TTC27: variants seen among roughly 807,000 people sequenced by gnomAD.
TTC27 encodes the protein tetratricopeptide repeat domain 27, also known as tetratricopeptide repeat protein 27.
A neutral mutation model predicts 115.9 loss-of-function variants in TTC27; 79 were observed. That is an observed-to-expected ratio of 0.68 (90% CI 0.57 to 0.82). The LOEUF (loss-of-function observed/expected upper bound fraction) is 0.82. TTC27 is among the 40% of genes least tolerant of loss of function. TTC27 has a pLI of 0.00. For missense variants in TTC27, 1,054 were observed against 993.1 expected, an observed-to-expected ratio of 1.06 and a Z score of -0.82; for synonymous variants, 401 against 356.0, an observed-to-expected ratio of 1.13 and a Z score of -1.42.
chr2:32,677,451 T>C (rs373348915), intron 8 of TTC27, among the ~76,000 whole-genome samples: 9 of 151,876 alleles, frequency 5.9e-5, no homozygotes, highest in East Asian at 3.9e-4. Flanking sequence ...TGCCAAACTG[T>C]TTTCTTCTTT....
chr2:32,728,996 TACACAC>T (rs35764233), intron 10 of TTC27, among the ~76,000 whole-genome samples: 26 of 150,616 alleles, frequency 1.7e-4, no homozygotes, highest in Non-Finnish European at 2.2e-4. Flanking sequence ...CATCTTCCTA[TACACAC>T]ACACACACAC....
At position 32,628,126 on chromosome 2, in the gene TTC27, TC is replaced by T; in HGVS notation, c.-165del. ...GCCCCGCGCTGCTGTTATGGCCGCC[TC>T]CTTGAGGTAGTATCCGCACATGGAA... On this transcript the variant is annotated 5_prime_UTR_variant, in exon 1 of 20. The change creates a premature stop within an existing upstream ORF in the 5' untranslated region. Coordinates refer to ENST00000317907, the MANE Select transcript of TTC27 (RefSeq NM_017735.5). 1 of 626,726 alleles carries T rather than the reference TC, an allele frequency of 1.6e-6. No homozygotes were observed. The highest frequency in any genetic ancestry group is 3.1e-5 in the East Asian group (1 of 32,188). The allele number at this position is 626,726 out of a possible 1,614,324, so 38.8% of individuals were successfully genotyped here. A position where few individuals can be genotyped will look rare whatever the true frequency, so the allele number is the denominator to read the frequency against.
chr2:32,776,096 C>A (rs1212678592), intron 13 of TTC27, among the ~76,000 whole-genome samples: 1 of 152,270 alleles, frequency 6.6e-6, no homozygotes, highest in East Asian at 1.9e-4. Context: ...GCTTCTGCCC[C>A]CTCCCAGTAG....
At position 32,701,960 on chromosome 2, in the gene TTC27, A is replaced by G. The variant is rs184353837; in HGVS notation, c.1120-847A>G. ...CAGGAAGCCGAAGCTGTAGCTTGCCATGATCATGCCACTGCACTCCAGCCT... is the reference window on the plus strand; with the variant it reads ...CAGGAAGCCGAAGCTGTAGCTTGCCGTGATCATGCCACTGCACTCCAGCCT... On this transcript the variant is annotated intron_variant, in intron 9 of 19. Coordinates refer to ENST00000317907, the MANE Select transcript of TTC27 (RefSeq NM_017735.5). Among the ~76,000 whole-genome samples, 388 of 151,642 alleles carry G rather than the reference A, an allele frequency of 2.6e-3. 4 individuals are homozygous for G. The highest frequency in any genetic ancestry group is 0.017 in the South Asian group (80 of 4,788).
intron 15 of TTC27, 103 bp from the exon 16 acceptor site, chr2:32,786,881 T>G (rs1177195804): frequency 2.8e-5 from 29 of 1,028,018 alleles, no homozygotes; most frequent in Non-Finnish European, 3.8e-5. Context: ...TATGAACGAA[T>G]AAGGACGGAC....
intron 9 of TTC27, among the ~76,000 whole-genome samples, chr2:32,688,987 A>C (rs1666727970): frequency 1.3e-5 from 2 of 152,162 alleles, no homozygotes; most frequent in African/African-American, 4.8e-5. Flanking sequence ...CAAATGAGTG[A>C]TAAACTGCCA....
intron 8 of TTC27, among the ~76,000 whole-genome samples, 154 bp from the exon 9 acceptor site, chr2:32,678,702 C>T (rs550329968): frequency 1.3e-5 from 2 of 152,132 alleles, no homozygotes; most frequent in African/African-American, 2.4e-5. Flanking sequence ...GTTGGGATCA[C>T]AGGTGTGAGC....
At position 32,669,393 on chromosome 2, in the gene TTC27, G is replaced by T. The variant is rs1052783616; in HGVS notation, c.939+2625G>T. Reference sequence around the variant, plus strand: ...GGAGAGTACAAGTTGTATGCTGTAGGTATGGATTAGATAGAAACATAGCTT... The same window carrying T: ...GGAGAGTACAAGTTGTATGCTGTAGTTATGGATTAGATAGAAACATAGCTT... On this transcript the variant is annotated intron_variant, in intron 7 of 19. Coordinates refer to ENST00000317907, the MANE Select transcript of TTC27 (RefSeq NM_017735.5). 5.9e-5 allele frequency among the ~76,000 whole-genome samples: 9 copies of T among 152,352 alleles called. No individual in the cohort carries two copies. The South Asian group carries it at 6.2e-4, about 11-fold the overall frequency.
Position 32,758,495 on chromosome 2 carries a change from C to T in TTC27, c.1656C>T (p.Arg552=). ...AAGAGTGTGTAGAGTGCTTCGAACG[C>T]TCGGTTAAGATTAATCCCATGCAGG... ...EFQECVECFE[R]SVKINPMQLG... Residue 552 remains arginine, a synonymous_variant, in exon 13 of 20, where the codon CGC becomes CGT. Coordinates refer to ENST00000317907, the MANE Select transcript of TTC27 (RefSeq NM_017735.5). The T allele has an allele frequency of 2.5e-6, 4 of 1,614,166 alleles. No homozygotes were observed. The highest frequency in any genetic ancestry group is 2.5e-6 in the Non-Finnish European group (3 of 1,180,008).
chr2:32,732,649 T>A (rs1572558847), intron 10 of TTC27, among the ~76,000 whole-genome samples: 1 of 152,150 alleles, frequency 6.6e-6, no homozygotes, highest in Non-Finnish European at 1.5e-5. Context: ...TTAAACAGTT[T>A]CCAAGTTACC....
chr2:32,723,689 C>CCT (rs1667999695), intron 10 of TTC27, among the ~76,000 whole-genome samples: 1 of 86,222 alleles, frequency 1.2e-5, no homozygotes, highest in African/African-American at 5.5e-5. Context: ...TTAGACTCAG[C>CCT]TCCTTCCTCC....
intron 12 of TTC27, among the ~76,000 whole-genome samples, chr2:32,743,802 G>A (rs1324404218): frequency 6.6e-6 from 1 of 152,078 alleles, no homozygotes; most frequent in East Asian, 1.9e-4. Flanking sequence ...GTAAATTTTT[G>A]TTAGATCTCT....
intron 10 of TTC27, among the ~76,000 whole-genome samples, chr2:32,723,153 G>A (rs962277278): frequency 6.6e-6 from 1 of 152,162 alleles, no homozygotes; most frequent in African/African-American, 2.4e-5. Flanking sequence ...CACTTTCAAA[G>A]GCACTAAATA....
intron 9 of TTC27, among the ~76,000 whole-genome samples, chr2:32,695,737 A>G (rs1260398067): frequency 5.5e-5 from 8 of 146,192 alleles, no homozygotes; most frequent in Non-Finnish European, 1.2e-4. Context: ...AAAAAAAAAA[A>G]AAAAAAAAAA....
At chr2:32,797,127 T>C (rs1012851717) in intron 16 of TTC27, among the ~76,000 whole-genome samples, 1 of 147,906 alleles carries the variant, frequency 6.8e-6, no homozygotes, top group Non-Finnish European at 1.5e-5. Context: ...TGAGCCGAGA[T>C]TGTGCCACTG....
intron 12 of TTC27, among the ~76,000 whole-genome samples, chr2:32,738,607 C>T (rs1297331507): frequency 6.6e-6 from 1 of 152,162 alleles, no homozygotes; most frequent in Non-Finnish European, 1.5e-5. Context: ...GGTGTCAGCA[C>T]TACGTATGTT....
intron 6 of TTC27, 98 bp downstream of exon 6, chr2:32,664,565 C>T: frequency 1.9e-6 from 2 of 1,047,922 alleles, no homozygotes; most frequent in Admixed American, 3.0e-5. Context: ...TTTTCTATAT[C>T]CTATTTGCTT....
At chr2:32,698,646 A>AT (rs1667078844) in intron 9 of TTC27, among the ~76,000 whole-genome samples, 2 of 151,132 alleles carry the variant, frequency 1.3e-5, no homozygotes, top group African/African-American at 2.4e-5. Flanking sequence ...CGCCTGGCTA[A>AT]TTTTTTTGTA....
At chr2:32,671,114 C>G (rs1666000213) in intron 7 of TTC27, among the ~76,000 whole-genome samples, 1 of 152,062 alleles carries the variant, frequency 6.6e-6, no homozygotes, top group South Asian at 2.1e-4. Flanking sequence ...TGAAGTTTTT[C>G]TCTTATAATT....
Sources: gnomAD v4.1 joint callset for allele counts (sites outside exome capture counted in the v4.1 genomes callset) on GRCh38, gnomAD v4.1.1 for gene constraint, MANE v1.5 for transcripts, NCBI Gene and HGNC (gene_info 2026-07-23, HGNC 2026-07-21) for gene names.